NRXN3: variants seen among roughly 807,000 people sequenced by gnomAD.
NRXN3 encodes the protein neurexin 3, also known as neurexin III.
NRXN3 carries 32 observed loss-of-function variants against 137.6 expected under a neutral mutation model. The observed-to-expected ratio is 0.23, with a 90% CI of 0.18 to 0.31. The LOEUF (loss-of-function observed/expected upper bound fraction) is 0.31. Ranked by LOEUF, NRXN3 falls within the 10% of genes least tolerant of loss-of-function variation. The probability of loss-of-function intolerance (pLI) is 1.00; values close to 1 mark genes in which losing one functional copy is unlikely to be tolerated. For missense variants in NRXN3, 1,574 were observed against 2,062.5 expected (o/e 0.76, Z 4.59); for synonymous variants, 798 against 784.5 (o/e 1.02, Z -0.29).
Position 79,107,932 on chromosome 14 carries a change from A to G in NRXN3, c.3262+119791A>G, listed in dbSNP as rs541813689. 2.6e-5 allele frequency among the ~76,000 whole-genome samples: 4 copies of G among 152,320 alleles called. 1 individual carries two copies. In the South Asian group the frequency reaches 8.3e-4, roughly 32 times the overall value. On this transcript the variant is annotated intron_variant, in intron 15 of 20. Coordinates refer to ENST00000335750, the MANE Select transcript of NRXN3 (RefSeq NM_001330195.2). Reference sequence around the variant, plus strand: ...ATATTTTATTTTAGTCAGGACCAATATAAATGTGCCAAAGGAAATGATTAA... The same window carrying G: ...ATATTTTATTTTAGTCAGGACCAATGTAAATGTGCCAAAGGAAATGATTAA...
At chr14:78,587,454 T>C (rs76448081) in intron 4 of NRXN3, among the ~76,000 whole-genome samples, 3,564 of 152,272 alleles carry the variant, frequency 0.023, 49 homozygotes, top group Non-Finnish European at 0.026. Context: ...AGTCTTACCC[T>C]ATGAAATATG....
intron 15 of NRXN3, among the ~76,000 whole-genome samples, chr14:79,160,083 A>T (rs1385388231): frequency 1.3e-5 from 2 of 151,858 alleles, no homozygotes; most frequent in Non-Finnish European, 2.9e-5. Context: ...AGTATCACCC[A>T]AAGCTTTTCC....
intron 4 of NRXN3, among the ~76,000 whole-genome samples, chr14:78,510,912 A>G (rs568905852): frequency 6.6e-6 from 1 of 152,194 alleles, no homozygotes; most frequent in African/African-American, 2.4e-5. Context: ...GCCTCTCCCC[A>G]TGGTTGTATG....
intron 5 of NRXN3, among the ~76,000 whole-genome samples, chr14:78,647,068 C>T (rs540248642): frequency 6.6e-6 from 1 of 152,316 alleles, no homozygotes; most frequent in East Asian, 1.9e-4. Context: ...CAATTTGTTT[C>T]TCTACCTCTC....
chr14:79,671,898 T>C (rs187746539), intron 17 of NRXN3, among the ~76,000 whole-genome samples: 87 of 151,810 alleles, frequency 5.7e-4, no homozygotes, highest in Admixed American at 1.7e-3. Context: ...ACATAAAACA[T>C]TTGAGGTGGT....
intron 1 of NRXN3, among the ~76,000 whole-genome samples, chr14:78,193,407 A>G (rs2060924311): frequency 6.6e-6 from 1 of 152,178 alleles, no homozygotes; most frequent in Non-Finnish European, 1.5e-5. Context: ...AAAGGCTTTT[A>G]AAGAGTCAGG....
intron 16 of NRXN3, among the ~76,000 whole-genome samples, chr14:79,597,812 G>A (rs2097875561): frequency 6.6e-6 from 1 of 152,058 alleles, no homozygotes; most frequent in African/African-American, 2.4e-5. Context: ...GTGAAAAAAA[G>A]GAAAAATGAA....
At chr14:78,174,782 C>G (rs1169699451) in intron 1 of NRXN3, among the ~76,000 whole-genome samples, 4 of 152,136 alleles carry the variant, frequency 2.6e-5, no homozygotes, top group African/African-American at 9.7e-5. Context: ...AGAAACTGCT[C>G]CTGCCTCCAG....
chr14:79,676,487 G>A (rs1046857277), intron 17 of NRXN3, among the ~76,000 whole-genome samples: 3 of 151,712 alleles, frequency 2.0e-5, no homozygotes, highest in South Asian at 2.1e-4. Flanking sequence ...GGATGAATAA[G>A]TCTAGAGATC....
intron 16 of NRXN3, among the ~76,000 whole-genome samples, chr14:79,593,777 A>G (rs1233030394): frequency 6.6e-6 from 1 of 152,178 alleles, no homozygotes; most frequent in Admixed American, 6.5e-5. Context: ...AATTTGATGG[A>G]TTCTTATTTA....
chr14:79,595,066 A>G (rs2097847181), intron 16 of NRXN3, among the ~76,000 whole-genome samples: 1 of 152,182 alleles, frequency 6.6e-6, no homozygotes, highest in Admixed American at 6.5e-5. Context: ...TTAGTGCTTG[A>G]TTTTCTAGAC....
chr14:78,732,575 G>A (rs540705361), intron 8 of NRXN3, among the ~76,000 whole-genome samples: 28 of 152,118 alleles, frequency 1.8e-4, no homozygotes, highest in Non-Finnish European at 3.4e-4. Context: ...TGGTTCTAAT[G>A]TATCTTCCCA....
At chr14:79,629,599 A>T (rs1448482280) in intron 16 of NRXN3, among the ~76,000 whole-genome samples, 4 of 152,172 alleles carry the variant, frequency 2.6e-5, no homozygotes, top group African/African-American at 9.7e-5. Flanking sequence ...CTTCATGGGG[A>T]TTGTGAAATC....
At chr14:78,193,630 C>T (rs540331842) in intron 1 of NRXN3, among the ~76,000 whole-genome samples, 79 of 152,076 alleles carry the variant, frequency 5.2e-4, no homozygotes, top group South Asian at 4.2e-3. Flanking sequence ...GATGTGGTGG[C>T]GCACACCTGT....
rs150089849 is a variant in NRXN3, at chr14:78,326,558, GA to G, written c.757+28705del. Among the ~76,000 whole-genome samples, 530 of 152,096 alleles carry G rather than the reference GA, an allele frequency of 3.5e-3. 2 individuals carry two copies. The highest frequency in any genetic ancestry group is 0.012 in the African/African-American group (501 of 41,514). On this transcript the variant is annotated intron_variant, in intron 4 of 20. Transcript: ENST00000335750. ...ACAATGTAGAGGAAGTAATTGAAGG[GA>G]AAAAAAGAAAAGAACAAAAGGTATA...
At chr14:78,714,727 C>T (rs2098423882) in intron 7 of NRXN3, 29 bp from the exon 8 acceptor site, 1 of 1,601,118 alleles carries the variant, frequency 6.2e-7, no homozygotes, top group South Asian at 1.1e-5. Flanking sequence ...AACTGGCAGA[C>T]TCACCTGAGA....
chr14:79,761,497 C>T (rs1208229415), intron 19 of NRXN3, among the ~76,000 whole-genome samples: 4 of 151,426 alleles, frequency 2.6e-5, no homozygotes, highest in African/African-American at 4.9e-5. Flanking sequence ...AACTGGATCT[C>T]ATCCTGGCCA....
At chr14:79,828,994 A>G (rs1425000570) in intron 20 of NRXN3, among the ~76,000 whole-genome samples, 1 of 152,196 alleles carries the variant, frequency 6.6e-6, no homozygotes. Flanking sequence ...ACAATTCCAC[A>G]CTTTGGAGAA....
At chr14:79,250,295 T>G (rs1191948853) in intron 15 of NRXN3, among the ~76,000 whole-genome samples, 1 of 152,052 alleles carries the variant, frequency 6.6e-6, no homozygotes, top group Admixed American at 6.6e-5. Context: ...GATGTAGGCT[T>G]TGGGAACATG....
Sources: allele counts gnomAD v4.1 joint callset (sites outside exome capture counted in the v4.1 genomes callset), GRCh38; gene constraint gnomAD v4.1.1; transcripts MANE v1.5; gene names NCBI Gene and HGNC (gene_info 2026-07-23, HGNC 2026-07-21).